The following CCDC91 variants were observed in gnomAD, a reference collection of about 807,000 sequenced individuals.
CCDC91 encodes coiled-coil domain containing 91.
A neutral mutation model predicts 63.2 loss-of-function variants in CCDC91; 48 were observed. The observed-to-expected ratio is 0.76, with a 90% CI of 0.60 to 0.97. The LOEUF is 0.97. Ranked by LOEUF, CCDC91 falls within the 50% of genes least tolerant of loss-of-function variation. CCDC91 has a pLI of 0.00. For synonymous variants in CCDC91, 167 were observed against 165.8 expected (o/e 1.01, Z -0.06); for missense variants, 500 against 494.6 (o/e 1.01, Z -0.10).
intron 12 of CCDC91, 47 bp downstream of exon 12, chr12:28,484,212 T>G (rs1951600121): frequency 1.0e-6 from 1 of 1,000,122 alleles, no homozygotes; most frequent in African/African-American, 1.6e-5. Context: ...ATAAACTGAA[T>G]CAGTGACTTC....
chr12:28,457,737 T>C (rs10843177), intron 11 of CCDC91, among the ~76,000 whole-genome samples: 31,663 of 151,780 alleles, frequency 0.21, 4,333 homozygotes, highest in Non-Finnish European at 0.31. Flanking sequence ...GTGTTGATTG[T>C]AAATTGTACT....
At chr12:28,542,052 G>T (rs1177166344) in intron 12 of CCDC91, among the ~76,000 whole-genome samples, 1 of 151,958 alleles carries the variant, frequency 6.6e-6, no homozygotes, top group Non-Finnish European at 1.5e-5. Flanking sequence ...TTTGGAAATT[G>T]TTGGAAACAG....
At chr12:28,380,655 C>T (rs952072012) in intron 7 of CCDC91, among the ~76,000 whole-genome samples, 2 of 151,946 alleles carry the variant, frequency 1.3e-5, no homozygotes, top group Admixed American at 6.6e-5. Flanking sequence ...AAGTTTTTTT[C>T]GAATCTGTTT....
chr12:28,547,203 G>T (rs1289379363), intron 12 of CCDC91, among the ~76,000 whole-genome samples: 1 of 152,050 alleles, frequency 6.6e-6, no homozygotes, highest in Non-Finnish European at 1.5e-5. Context: ...CTGAGTATTG[G>T]TATATTCTTC....
chr12:28,405,991 A>G (rs1592575154), intron 8 of CCDC91, among the ~76,000 whole-genome samples: 1 of 152,256 alleles, frequency 6.6e-6, no homozygotes, highest in East Asian at 1.9e-4. Flanking sequence ...TAACTACCCT[A>G]TGCATCCCCC....
intron 12 of CCDC91, among the ~76,000 whole-genome samples, chr12:28,506,890 TA>T (rs1280601933): frequency 1.3e-5 from 2 of 150,468 alleles, no homozygotes; most frequent in Non-Finnish European, 3.0e-5. Flanking sequence ...ACCAAAACGA[TA>T]AAAAACATGG....
chr12:28,527,745 T>C (rs1176557117), intron 12 of CCDC91, among the ~76,000 whole-genome samples: 3 of 152,162 alleles, frequency 2.0e-5, no homozygotes, highest in Non-Finnish European at 2.9e-5. Flanking sequence ...ATGCCTGGGC[T>C]TGGACTCTAC....
At chr12:28,359,032 A>G (rs1449567439) in intron 6 of CCDC91, among the ~76,000 whole-genome samples, 1 of 152,124 alleles carries the variant, frequency 6.6e-6, no homozygotes, top group Non-Finnish European at 1.5e-5. Context: ...AGTAGCTGGG[A>G]CTACAGGCTT....
intron 8 of CCDC91, among the ~76,000 whole-genome samples, chr12:28,444,250 A>G (rs1205260450): frequency 6.6e-6 from 1 of 152,302 alleles, no homozygotes; most frequent in East Asian, 1.9e-4. Flanking sequence ...ATTTTCTATC[A>G]CAATTTTTAA....
intron 12 of CCDC91, among the ~76,000 whole-genome samples, chr12:28,530,727 T>C (rs1941661248): frequency 6.6e-6 from 1 of 152,132 alleles, no homozygotes; most frequent in Non-Finnish European, 1.5e-5. Flanking sequence ...TTATTTGAAG[T>C]GCACAAAGAA....
At chr12:28,315,242 G>A (rs1012962113) in intron 6 of CCDC91, among the ~76,000 whole-genome samples, 23 of 151,844 alleles carry the variant, frequency 1.5e-4, no homozygotes, top group African/African-American at 4.1e-4. Flanking sequence ...TTGGCTCACT[G>A]CAACTTCCAC....
chr12:28,201,221 C>T (rs1942292247), intron 1 of CCDC91, among the ~76,000 whole-genome samples: 1 of 148,726 alleles, frequency 6.7e-6, no homozygotes, highest in African/African-American at 2.5e-5. Flanking sequence ...AGGGGCTCCT[C>T]ACTTCTCAGA....
intron 1 of CCDC91, among the ~76,000 whole-genome samples, chr12:28,241,146 T>C (rs1358737464): frequency 6.6e-6 from 1 of 152,220 alleles, no homozygotes; most frequent in Non-Finnish European, 1.5e-5. Flanking sequence ...AGATTGGTGA[T>C]GTTTAACATC....
rs541350621 is a variant in CCDC91, at chr12:28,512,491, G to A, written c.1215+28326G>A. Reference sequence around the variant, plus strand: ...TAAGACGTATTGTGGGATAAAGCAGGGGTCAGCAAAACATGGCGAATGGGC... The same window carrying A: ...TAAGACGTATTGTGGGATAAAGCAGAGGTCAGCAAAACATGGCGAATGGGC... On this transcript the variant is annotated intron_variant, in intron 12 of 12. Coordinates refer to ENST00000536442, the MANE Select transcript of CCDC91 (RefSeq NM_018318.5). Among the ~76,000 whole-genome samples, 5 of 152,000 alleles carry A rather than the reference G, an allele frequency of 3.3e-5. No homozygotes were observed. In the South Asian group the frequency reaches 1.0e-3, roughly 32 times the overall value.
At chr12:28,520,816 C>T (rs1170651346) in intron 12 of CCDC91, among the ~76,000 whole-genome samples, 10 of 151,930 alleles carry the variant, frequency 6.6e-5, no homozygotes, top group South Asian at 2.1e-4. Flanking sequence ...CAGCACCATT[C>T]ATTAAATAGG....
At chr12:28,245,816 T>G (rs1945697581) in intron 1 of CCDC91, among the ~76,000 whole-genome samples, 1 of 152,198 alleles carries the variant, frequency 6.6e-6, no homozygotes, top group South Asian at 2.1e-4. Flanking sequence ...TTATGGGACC[T>G]CTGTATTCAT....
intron 12 of CCDC91, among the ~76,000 whole-genome samples, chr12:28,545,451 C>T (rs1373217630): frequency 2.6e-5 from 4 of 152,104 alleles, no homozygotes; most frequent in Non-Finnish European, 5.9e-5. Context: ...TTCCATCCCA[C>T]AGCCATGATC....
At chr12:28,219,980 C>T (rs1565628877) in intron 1 of CCDC91, among the ~76,000 whole-genome samples, 2 of 151,928 alleles carry the variant, frequency 1.3e-5, no homozygotes, top group African/African-American at 4.8e-5. Context: ...AATTTTATCT[C>T]TTTTGTGTTT....
At chr12:28,487,714 A>G (rs1307811815) in intron 12 of CCDC91, among the ~76,000 whole-genome samples, 1 of 151,698 alleles carries the variant, frequency 6.6e-6, no homozygotes, top group Non-Finnish European at 1.5e-5. Flanking sequence ...AAAGCCCGAT[A>G]GACCTTGTTT....
Sources: gnomAD v4.1 joint callset for allele counts (sites outside exome capture counted in the v4.1 genomes callset) on GRCh38, gnomAD v4.1.1 for gene constraint, MANE v1.5 for transcripts, NCBI Gene and HGNC (gene_info 2026-07-23, HGNC 2026-07-21) for gene names.